Variants in SMAP2 observed in about 807,000 individuals in gnomAD.
SMAP2 encodes the protein small ArfGAP2, also known as stromal membrane-associated protein 2.
Under a neutral mutation model 56.4 loss-of-function variants are expected in SMAP2, and 25 were observed. The ratio of observed to expected loss-of-function variants is 0.44; its 90% CI spans 0.32 to 0.62. SMAP2 has a LOEUF of 0.62. Ranked by LOEUF, SMAP2 falls within the 20% of genes least tolerant of loss-of-function variation. The pLI is 0.04. For synonymous variants in SMAP2, 157 were observed against 181.7 expected (o/e 0.86, Z 1.09); for missense variants, 388 against 545.6 (o/e 0.71, Z 2.88).
At chr1:40,418,457 A>G (rs1645010922) in intron 9 of SMAP2, among the ~76,000 whole-genome samples, 1 of 152,224 alleles carries the variant, frequency 6.6e-6, no homozygotes, top group Admixed American at 6.5e-5. Flanking sequence ...CAAAATAAAT[A>G]AAATATGGGA....
Position 40,374,605 on chromosome 1 carries a change from GT to G in SMAP2, c.103+383del. The G allele has an allele frequency of 7.3e-7, 1 of 1,364,248 alleles. No individual in the cohort carries two copies. The highest frequency in any genetic ancestry group is 1.0e-6 in the Non-Finnish European group (1 of 986,886). The allele number at this position is 1,364,248 out of a possible 1,614,324, so 84.5% of individuals were successfully genotyped here. A position where few individuals can be genotyped will look rare whatever the true frequency, so the allele number is the denominator to read the frequency against. Reference sequence around the variant, plus strand: ...CGTGCGTGCGTGCGTGCGTGTGTGTGTGTGTGTGTGTGTGTGTGTGAGAGAG... The same window carrying G: ...CGTGCGTGCGTGCGTGCGTGTGTGTGGTGTGTGTGTGTGTGTGTGAGAGAG... On this transcript the variant is annotated intron_variant, in intron 1 of 9. Transcript: ENST00000372718. The surrounding 1 kb of genome is among the most constrained non-coding windows in gnomAD (Gnocchi z 5.9).
At chr1:40,410,325 G>A (rs1341507598) in intron 4 of SMAP2, among the ~76,000 whole-genome samples, 6 of 151,780 alleles carry the variant, frequency 4.0e-5, no homozygotes, top group Admixed American at 6.6e-5. Context: ...TCTGCCTATC[G>A]GTGAATTCTT....
intron 2 of SMAP2, among the ~76,000 whole-genome samples, chr1:40,363,266 A>G (rs1644467064): frequency 6.6e-6 from 1 of 152,202 alleles, no homozygotes; most frequent in South Asian, 2.1e-4. Flanking sequence ...TTCATCTTCC[A>G]TAGCAGGAAG....
intron 1 of SMAP2, among the ~76,000 whole-genome samples, chr1:40,352,230 T>TAATG (rs1644411855): frequency 6.6e-6 from 1 of 152,158 alleles, no homozygotes; most frequent in Admixed American, 6.5e-5. Context: ...CTCCAAGCTT[T>TAATG]AATGATATTA....
At chr1:40,345,084 T>C (rs1470969545) in intron 1 of SMAP2, among the ~76,000 whole-genome samples, 1 of 152,178 alleles carries the variant, frequency 6.6e-6, no homozygotes, top group Non-Finnish European at 1.5e-5. Context: ...ATTTATTTGC[T>C]TTTATTTTTT....
rs543041168 is a variant in SMAP2, at chr1:40,415,447, A to G, written c.681+66A>G. 82 of 1,062,996 alleles carry G rather than the reference A, an allele frequency of 7.7e-5. No individual in the cohort carries two copies. In the African/African-American group the frequency reaches 1.2e-3, roughly 16 times the overall value. The allele number at this position is 1,062,996 out of a possible 1,614,324, so 65.8% of individuals were successfully genotyped here. A position where few individuals can be genotyped will look rare whatever the true frequency, so the allele number is the denominator to read the frequency against. The stretch of plus-strand genomic sequence containing the variant: ...AATGGGTGATTTTGATATCTTAATC[A>G]TGGAACCACGTCATGCTTCCTTGGT... On this transcript the variant is annotated intron_variant, in intron 7 of 9. Coordinates refer to ENST00000372718, the MANE Select transcript of SMAP2 (RefSeq NM_022733.3).
At chr1:40,393,097 A>G (rs1644732927) in intron 1 of SMAP2, among the ~76,000 whole-genome samples, 1 of 37,986 alleles carries the variant, frequency 2.6e-5, no homozygotes, top group African/African-American at 1.6e-4. Flanking sequence ...GCGTGAATCC[A>G]TCTCAAAAAA....
intron 1 of SMAP2, among the ~76,000 whole-genome samples, chr1:40,389,068 G>A (rs1470700378): frequency 3.3e-5 from 5 of 152,056 alleles, no homozygotes; most frequent in African/African-American, 2.4e-5. Flanking sequence ...CGGACACGCC[G>A]CCTTTAAGAA....
At chr1:40,418,741 C>T (rs1645014140) in intron 9 of SMAP2, among the ~76,000 whole-genome samples, 2 of 152,068 alleles carry the variant, frequency 1.3e-5, no homozygotes, top group Admixed American at 1.3e-4. Context: ...AAAAGAATAA[C>T]AAGGAGAGTA....
In SMAP2 at chr1:40,422,105, C is replaced by CA; in HGVS notation, c.*8dup. ...CAGTCCTCAGATGTGGAAATAAAAA[C>CA]AAAACACCTGTATGGCTGCCATTCT... On this transcript the variant is annotated 3_prime_UTR_variant, in exon 10 of 10. Transcript: ENST00000372718. The CA allele has an allele frequency of 6.2e-7, 1 of 1,613,940 alleles. No individual in the cohort carries two copies. Among genetic ancestry groups the CA allele is most frequent in the Admixed American group, 1.7e-5 (1 of 60,010 alleles).
At position 40,374,135 on chromosome 1, in the gene SMAP2, G is replaced by T. The variant is rs1488779419; in HGVS notation, c.15G>T (p.Ser5=). The T allele has an allele frequency of 1.2e-6, 2 of 1,612,992 alleles. No individual in the cohort carries two copies. The highest frequency in any genetic ancestry group is 2.2e-5 in the East Asian group (1 of 44,868). The change falls in exon 1 of 10, where the codon TCG becomes TCT. Residue 5 remains serine, a synonymous_variant. Transcript: ENST00000372718. This position sits in a 1 kb window ranked among gnomAD's most constrained non-coding sequence, Gnocchi z 5.9. ...GCACCCTGGCCATGACAGGCAAGTC[G>T]GTGAAGGACGTGGATCGGTACCAGG... The part of the protein sequence containing the change: MTGK[S]VKDVDRYQAV...
rs777205556 is a variant in SMAP2 at position 40,386,853 on chromosome 1, C to CCTTT, written c.103+12630_103+12631insCTTT. Among the ~76,000 whole-genome samples the CCTTT allele has an allele frequency of 7.9e-6, 1 of 127,364 alleles. No individual in the cohort carries two copies. The highest frequency in any genetic ancestry group is 3.0e-5 in the African/African-American group (1 of 33,698). The allele number at this position is 127,364 out of a possible 152,430, so 83.6% of individuals were successfully genotyped here. A position where few individuals can be genotyped will look rare whatever the true frequency, so the allele number is the denominator to read the frequency against. ...GATGCTGAAGGTATTTTTCATAATT[C>CCTTT]TTTTTTTTTTTTTTTTTTGGAGACA... On this transcript the variant is annotated intron_variant, in intron 1 of 9. Coordinates refer to ENST00000372718, the MANE Select transcript of SMAP2 (RefSeq NM_022733.3). This position sits in a 1 kb window ranked among gnomAD's most constrained non-coding sequence, Gnocchi z 4.1.
At chr1:40,368,049 C>T (rs1417630512) in intron 2 of SMAP2, among the ~76,000 whole-genome samples, 1 of 141,862 alleles carries the variant, frequency 7.0e-6, no homozygotes, top group Non-Finnish European at 1.5e-5. Flanking sequence ...GAAATACAAA[C>T]TACCATCAGA....
upstream of SMAP2, chr1:40,373,580 C>T (rs529337657): frequency 2.7e-3 from 415 of 153,724 alleles, 1 homozygote; most frequent in Admixed American, 5.3e-3. Context: ...TCCGCCCCCA[C>T]CCAAGGCCCG....
rs573090522 is a variant in SMAP2, at chr1:40,388,002, G to A, written c.103+13779G>A. ...TGAGGGGCTTAGCACCTGGGCCAGC[G>A]GCTGCAGAGGGTGTGCTGGGTCCCC... On this transcript the variant is annotated intron_variant, in intron 1 of 9. Coordinates refer to ENST00000372718, the MANE Select transcript of SMAP2 (RefSeq NM_022733.3). 1.3e-3 allele frequency among the ~76,000 whole-genome samples: 192 copies of A among 152,286 alleles called. 2 individuals are homozygous for A. The highest frequency in any genetic ancestry group is 4.8e-3 in the South Asian group (23 of 4,830).
chr1:40,391,527 G>A (rs559372101), intron 1 of SMAP2, among the ~76,000 whole-genome samples: 2 of 152,156 alleles, frequency 1.3e-5, no homozygotes, highest in East Asian at 3.9e-4. Flanking sequence ...TAGCAACCTA[G>A]GAAGGCCCTG....
chr1:40,392,204 C>T (rs923357533), intron 1 of SMAP2, among the ~76,000 whole-genome samples: 4 of 152,116 alleles, frequency 2.6e-5, no homozygotes, highest in Non-Finnish European at 4.4e-5. Flanking sequence ...GCTCCCAGTA[C>T]CCCCAGATTT....
chr1:40,375,874 A>C (rs1371837940), intron 1 of SMAP2: 2 of 592,064 alleles, frequency 3.4e-6, no homozygotes, highest in East Asian at 1.5e-4. Context: ...TCATATTCCA[A>C]TAAAATACAG....
chr1:40,412,429 A>C (rs1002447925), intron 4 of SMAP2, among the ~76,000 whole-genome samples: 6 of 152,140 alleles, frequency 3.9e-5, no homozygotes, highest in Non-Finnish European at 8.8e-5. Flanking sequence ...CATGTTTTTC[A>C]TATGTATGCT....
Sources: allele counts gnomAD v4.1 joint callset (sites outside exome capture counted in the v4.1 genomes callset), GRCh38; gene constraint gnomAD v4.1.1; non-coding constraint Gnocchi (gnomAD v3.1); transcripts MANE v1.5; gene names NCBI Gene and HGNC (gene_info 2026-07-23, HGNC 2026-07-21).